The following BIRC6 variants were observed in gnomAD, a reference collection of about 807,000 sequenced individuals.
BIRC6 encodes dual E2 ubiquitin-conjugating enzyme/E3 ubiquitin-protein ligase BIRC6.
In BIRC6, 98 loss-of-function variants were observed where a neutral mutation model predicts 503.3. The ratio of observed to expected loss-of-function variants is 0.19; its 90% CI spans 0.17 to 0.23. BIRC6 has a LOEUF of 0.23. Among genes scored for constraint, BIRC6 ranks in the 10% least tolerant of loss-of-function variants. The pLI, the probability that BIRC6 is intolerant of heterozygous loss-of-function variation, is 1.00. For synonymous variants in BIRC6, 2,240 were observed against 2,078.7 expected (o/e 1.08, Z -2.11); for missense variants, 5,360 against 5,806.0 (o/e 0.92, Z 2.50).
At chr2:32,438,868 T>C (rs2045063284) in intron 15 of BIRC6, among the ~76,000 whole-genome samples, 1 of 152,084 alleles carries the variant, frequency 6.6e-6, no homozygotes, top group South Asian at 2.1e-4. Context: ...CCTATTTGAG[T>C]GCTTTCTTTG....
Position 32,357,974 on chromosome 2 carries a change from T to C in BIRC6, c.325+488T>C, listed in dbSNP as rs924960717. 1.4e-5 allele frequency among the ~76,000 whole-genome samples: 1 copy of C among 73,562 alleles called. No homozygotes were observed. The highest frequency in any genetic ancestry group is 2.7e-5 in the Non-Finnish European group (1 of 37,196). The allele number at this position is 73,562 out of a possible 152,430, so 48.3% of individuals were successfully genotyped here. Reference sequence around the variant, plus strand: ...TGTGGGAGAGGAGCCGGCAGTCTGCTGTTCTCAGGTCCCGCAGTGCGGGGG... The same window carrying C: ...TGTGGGAGAGGAGCCGGCAGTCTGCCGTTCTCAGGTCCCGCAGTGCGGGGG... On this transcript the variant is annotated intron_variant, in intron 1 of 73. Transcript: ENST00000421745. This position sits in a 1 kb window ranked among gnomAD's most constrained non-coding sequence, Gnocchi z 4.9.
chr2:32,413,005 A>G (rs975124756), intron 9 of BIRC6, among the ~76,000 whole-genome samples: 1 of 151,668 alleles, frequency 6.6e-6, no homozygotes, highest in African/African-American at 2.4e-5. Flanking sequence ...TTTGAATTGA[A>G]AAGACTTTTT....
Position 32,594,917 on chromosome 2 carries a change from T to C in BIRC6, c.13502-117T>C, listed in dbSNP as rs142468995. On this transcript the variant is annotated intron_variant, in intron 67 of 73. Coordinates refer to ENST00000421745, the MANE Select transcript of BIRC6 (RefSeq NM_016252.4). ...TTGTAATAAGATAATTGTGAAGAAG[T>C]TGACAATTTTTTGGAATTCACAATT... 21 of 574,328 alleles carry C rather than the reference T, an allele frequency of 3.7e-5. No homozygotes were observed. The East Asian group carries it at 6.2e-4, about 17-fold the overall frequency. The allele number at this position is 574,328 out of a possible 1,614,324, so 35.6% of individuals were successfully genotyped here.
intron 23 of BIRC6, among the ~76,000 whole-genome samples, chr2:32,461,673 A>AT (rs1395747516): frequency 6.6e-6 from 1 of 151,142 alleles, no homozygotes; most frequent in Non-Finnish European, 1.5e-5. Flanking sequence ...ATTTTAGCTT[A>AT]TTTTTTAATT....
In BIRC6 at chr2:32,431,033, A is replaced by T. The variant is rs762613690; in HGVS notation, c.3191A>T (p.Gln1064Leu). 6.2e-7 allele frequency: 1 copy of T among 1,613,422 alleles called. No individual in the cohort carries two copies. The highest frequency in any genetic ancestry group is 8.5e-7 in the Non-Finnish European group (1 of 1,179,792). Reference protein sequence around the residue: ...QQRRHPQHLHQQHHGDAAQHT... With the variant: ...QQRRHPQHLHLQHHGDAAQHT... ...AGGAGGCATCCTCAACATTTGCATC[A>T]GCAACACCATGGTGATGCTGCTCAG... Residue 1064 changes from glutamine to leucine, a missense_variant, in exon 12 of 74, where the codon CAG becomes CTG. Gln to Leu is a moderately radical substitution (Grantham distance 113). This residue lies in a region of BIRC6 where 8 missense variants were observed against 29.3 expected (regional missense o/e 0.27). Coordinates refer to ENST00000421745, the MANE Select transcript of BIRC6 (RefSeq NM_016252.4).
chr2:32,461,002 C>G (rs140539849), intron 23 of BIRC6, among the ~76,000 whole-genome samples: 103 of 21,706 alleles, frequency 4.7e-3, no homozygotes, highest in Admixed American at 9.6e-3. Flanking sequence ...GCTCTGCTCT[C>G]TTCTCTTCTC....
chr2:32,580,472 T>C (rs182419101), intron 66 of BIRC6, among the ~76,000 whole-genome samples: 2 of 152,218 alleles, frequency 1.3e-5, no homozygotes, highest in Admixed American at 6.5e-5. Flanking sequence ...CTTGAAAAGT[T>C]TGGTGTGCCT....
At chr2:32,482,605 A>C (rs1572533356) in intron 39 of BIRC6, 23 bp downstream of exon 39, 1 of 1,611,918 alleles carries the variant, frequency 6.2e-7, no homozygotes, top group East Asian at 2.2e-5. Flanking sequence ...TTATATTTTA[A>C]GACATATGCT....
chr2:32,505,051 A>C lies in BIRC6; in HGVS notation c.9546A>C (p.Leu3182=), dbSNP rs2053647656. Residue 3182 remains leucine, a synonymous_variant, in exon 50 of 74, where the codon CTA becomes CTC. Coordinates refer to ENST00000421745, the MANE Select transcript of BIRC6 (RefSeq NM_016252.4). The part of the protein sequence containing the change: ...SSPTAQPAEV[L]LQATPPHRRA... ...CTACTGCCCAACCAGCTGAAGTGCT[A>C]TTGCAGGCCACACCTCCTCACAGAA... The C allele has an allele frequency of 6.2e-7, 1 of 1,613,818 alleles. No individual in the cohort carries two copies. Among genetic ancestry groups the C allele is most frequent in the Non-Finnish European group, 8.5e-7 (1 of 1,179,816 alleles).
chr2:32,597,867 C>T lies in BIRC6; in HGVS notation c.13729C>T (p.Arg4577Cys), dbSNP rs777479015. The T allele has an allele frequency of 4.3e-6, 7 of 1,613,736 alleles. No individual in the cohort carries two copies. The highest frequency in any genetic ancestry group is 2.2e-5 in the South Asian group (2 of 91,076). Residue 4577 changes from arginine to cysteine, a missense_variant, in exon 69 of 74, where the codon CGC becomes TGC. By Grantham distance (180) the Arg-to-Cys change is radical. Around this residue, in one of 16 missense-constraint regions of BIRC6, gnomAD observed 477 missense variants for 574.4 expected, o/e 0.83. Transcript: ENST00000421745. ...NDANSAARAR[R>C]LAQEAVTLST... ...TGCGAACAGTGCTGCCAGAGCTCGC[C>T]GCCTTGCCCAGGAAGCTGTGACGCT...
rs771309177 is a variant in BIRC6, at chr2:32,515,607, A to G, written c.11186A>G (p.His3729Arg). 1 of 1,613,668 alleles carries G rather than the reference A, an allele frequency of 6.2e-7. No individual in the cohort carries two copies. The highest frequency in any genetic ancestry group is 8.5e-7 in the Non-Finnish European group (1 of 1,179,894). The change falls in exon 55 of 74, where the codon CAT becomes CGT. Residue 3729 changes from histidine (H) to arginine (R), a missense_variant. Transcript: ENST00000421745. Reference protein sequence around the residue: ...LCHSGSTSGSHNLGAQQTSAR... With the variant: ...LCHSGSTSGSRNLGAQQTSAR... ...CACTCTGGGTCCACTTCTGGAAGCC[A>G]TAATTTAGGTGCACAACAGACCAGT...
chr2:32,422,802 T>C (rs928804584), intron 10 of BIRC6, among the ~76,000 whole-genome samples: 7 of 152,210 alleles, frequency 4.6e-5, no homozygotes, highest in East Asian at 3.8e-4. Flanking sequence ...TTTTCACTTA[T>C]ACTTAGTACT....
intron 1 of BIRC6, among the ~76,000 whole-genome samples, chr2:32,363,421 T>A (rs1427617254): frequency 6.6e-6 from 1 of 152,168 alleles, no homozygotes; most frequent in Admixed American, 6.5e-5. Context: ...ACTTTGAACT[T>A]CCTAAGGTTT....
chr2:32,443,940 G>A (rs2045689947), intron 20 of BIRC6, among the ~76,000 whole-genome samples: 1 of 151,994 alleles, frequency 6.6e-6, no homozygotes, highest in African/African-American at 2.4e-5. Flanking sequence ...ACATAAATAA[G>A]TAAAACGGTC....
rs553223957 is a variant in BIRC6, at chr2:32,473,756, T to TG, written c.6720+517_6720+518insG. On this transcript the variant is annotated intron_variant, in intron 33 of 73. Transcript: ENST00000421745. ...GTGTGTGTGTGTGTGTGTGTATTTTTTTTTTTTTTTTTTTGAGACAGGGTC... is the reference window on the plus strand; with the variant it reads ...GTGTGTGTGTGTGTGTGTGTATTTTTGTTTTTTTTTTTTTTGAGACAGGGTC... Among the ~76,000 whole-genome samples, 564 of 144,358 alleles carry TG rather than the reference T, an allele frequency of 3.9e-3. 8 individuals are homozygous for TG. Among genetic ancestry groups the TG allele is most frequent in the African/African-American group, 0.014 (532 of 39,082 alleles). The allele number at this position is 144,358 out of a possible 152,430, so 94.7% of individuals were successfully genotyped here. A position where few individuals can be genotyped will look rare whatever the true frequency, so the allele number is the denominator to read the frequency against.
intron 9 of BIRC6, among the ~76,000 whole-genome samples, chr2:32,406,979 C>T (rs1051864838): frequency 1.6e-4 from 25 of 152,020 alleles, no homozygotes; most frequent in Non-Finnish European, 3.1e-4. Flanking sequence ...TTTTAAGATA[C>T]TAGGGCAAAA....
At chr2:32,519,656 C>T (rs913059524) in intron 57 of BIRC6, among the ~76,000 whole-genome samples, 4 of 152,176 alleles carry the variant, frequency 2.6e-5, no homozygotes, top group African/African-American at 9.7e-5. Context: ...GCTGGCATTA[C>T]AGGCATGTGC....
Position 32,512,971 on chromosome 2 carries a change from G to A in BIRC6, c.10385G>A (p.Arg3462Lys). The A allele has an allele frequency of 3.1e-6, 5 of 1,613,946 alleles. No homozygotes were observed. The highest frequency in any genetic ancestry group is 4.2e-6 in the Non-Finnish European group (5 of 1,179,868). ...TTAAAATGGGTTAGTGATTCTGCAA[G>A]AGTGGCTGCTATGAAGAGAAGTGGC... ...ALLKWVSDSA[R>K]VAAMKRSGRM... Residue 3462 changes from arginine (R) to lysine (K), a missense_variant, in exon 54 of 74, where the codon AGA (arginine) becomes AAA (lysine). Coordinates refer to ENST00000421745, the MANE Select transcript of BIRC6 (RefSeq NM_016252.4).
intron 1 of BIRC6, among the ~76,000 whole-genome samples, chr2:32,367,076 A>G: frequency 6.6e-6 from 1 of 152,220 alleles, no homozygotes; most frequent in East Asian, 1.9e-4. Flanking sequence ...TGTAGAAGAG[A>G]ATATCATATA....
Sources: allele counts gnomAD v4.1 joint callset (sites outside exome capture counted in the v4.1 genomes callset), GRCh38; gene constraint gnomAD v4.1.1; regional missense constraint gnomAD v4.1.1; non-coding constraint Gnocchi (gnomAD v3.1); transcripts MANE v1.5; gene names NCBI Gene and HGNC (gene_info 2026-07-23, HGNC 2026-07-21).